The following CACNB4 variants were observed in gnomAD, a reference collection of about 807,000 sequenced individuals.
CACNB4 encodes the protein calcium voltage-gated channel auxiliary subunit beta 4.
In CACNB4, 32 loss-of-function variants were observed where a neutral mutation model predicts 71.2. That is an observed-to-expected ratio of 0.45 (90% confidence interval 0.34 to 0.60). The LOEUF (loss-of-function observed/expected upper bound fraction) is 0.60. Ranked by LOEUF, CACNB4 falls within the 20% of genes least tolerant of loss-of-function variation. The pLI is 0.01. For synonymous variants in CACNB4, 231 were observed against 236.9 expected (o/e 0.97, Z 0.23); for missense variants, 464 against 647.9 (o/e 0.72, Z 3.08).
intron 2 of CACNB4, among the ~76,000 whole-genome samples, chr2:151,933,092 G>A (rs1193977473): frequency 6.6e-6 from 1 of 151,488 alleles, no homozygotes; most frequent in Non-Finnish European, 1.5e-5. Flanking sequence ...AAACCACCCA[G>A]TTGGTGGTAC....
At chr2:151,989,721 G>A (rs932566332) in intron 2 of CACNB4, among the ~76,000 whole-genome samples, 18 of 152,096 alleles carry the variant, frequency 1.2e-4, no homozygotes, top group African/African-American at 4.3e-4. Context: ...ATATTCAACT[G>A]CCTACCAGAT....
intron 2 of CACNB4, among the ~76,000 whole-genome samples, chr2:152,051,535 C>T (rs75592835): frequency 0.017 from 2,512 of 152,178 alleles, 72 homozygotes; most frequent in African/African-American, 0.057. Context: ...ATGGGGTTAG[C>T]GTCCTTCTAA....
intron 2 of CACNB4, among the ~76,000 whole-genome samples, chr2:151,931,071 T>G (rs1047456860): frequency 6.6e-6 from 1 of 152,226 alleles, no homozygotes; most frequent in Non-Finnish European, 1.5e-5. Flanking sequence ...CATATCTAAG[T>G]AAGGCATACT....
At chr2:152,000,784 C>A (rs1485567503) in intron 2 of CACNB4, among the ~76,000 whole-genome samples, 1 of 152,222 alleles carries the variant, frequency 6.6e-6, no homozygotes, top group Non-Finnish European at 1.5e-5. Context: ...CCAGCACTCA[C>A]ACGCCCCTGA....
intron 2 of CACNB4, among the ~76,000 whole-genome samples, chr2:152,035,314 A>C (rs1251865367): frequency 2.6e-5 from 4 of 152,182 alleles, no homozygotes; most frequent in Non-Finnish European, 5.9e-5. Context: ...TAATCCCAGC[A>C]CTTTGGGAGG....
At chr2:151,985,187 CT>C (rs1560109683) in intron 2 of CACNB4, among the ~76,000 whole-genome samples, 1 of 152,170 alleles carries the variant, frequency 6.6e-6, no homozygotes, top group Non-Finnish European at 1.5e-5. Flanking sequence ...AATATGATTA[CT>C]GTTAATATTT....
intron 9 of CACNB4, among the ~76,000 whole-genome samples, chr2:151,862,191 A>G (rs2099841918): frequency 6.6e-6 from 1 of 152,188 alleles, no homozygotes; most frequent in African/African-American, 2.4e-5. Context: ...GGGTAGAATT[A>G]TCAATTACTG....
At chr2:151,851,858 G>A (rs753156909) in intron 12 of CACNB4, 38 of 152,138 alleles carry the variant, frequency 2.5e-4, no homozygotes, top group Non-Finnish European at 5.0e-4. Context: ...TTGATAGCTA[G>A]ACAACAAAGA....
chr2:151,967,314 C>T (rs1397578555), intron 2 of CACNB4: 1 of 152,292 alleles, frequency 6.6e-6, no homozygotes, highest in Admixed American at 6.6e-5. Flanking sequence ...TCTGTGCCTC[C>T]TAAAGTGCTG....
intron 2 of CACNB4, among the ~76,000 whole-genome samples, chr2:151,905,263 G>A (rs1013127398): frequency 6.6e-6 from 1 of 152,180 alleles, no homozygotes; most frequent in Non-Finnish European, 1.5e-5. Flanking sequence ...CCAGCCCATT[G>A]CTTGCTACTC....
chr2:151,837,605 A>G lies in CACNB4; in HGVS notation c.*1514T>C, dbSNP rs1469296685. On this transcript the variant is annotated 3_prime_UTR_variant, in exon 14 of 14. Transcript: ENST00000539935. ...TTTAGAAAATGCATGCACTATGGAC[A>G]TTTAGAAATAAGTTTTTTTTTTTAA... is the stretch of plus-strand genomic sequence containing the variant. 6.6e-6 allele frequency: 1 copy of G among 152,094 alleles called. No homozygotes were observed. Among genetic ancestry groups the G allele is most frequent in the East Asian group, 1.9e-4 (1 of 5,190 alleles). 9.4% of individuals were successfully genotyped at this position (152,094 alleles called of 1,614,324 possible).
intron 2 of CACNB4, among the ~76,000 whole-genome samples, chr2:152,072,706 T>C (rs1228675559): frequency 3.3e-5 from 5 of 151,978 alleles, no homozygotes; most frequent in African/African-American, 4.8e-5. Context: ...AGTGGCATGG[T>C]CTCGGCTCAC....
chr2:152,003,173 T>A (rs1682524802), intron 2 of CACNB4, among the ~76,000 whole-genome samples: 1 of 152,216 alleles, frequency 6.6e-6, no homozygotes. Flanking sequence ...CCGGGCATGG[T>A]GCCTCACACC....
intron 9 of CACNB4, among the ~76,000 whole-genome samples, chr2:151,862,222 C>T (rs1372998421): frequency 2.6e-5 from 4 of 152,188 alleles, no homozygotes; most frequent in Non-Finnish European, 5.9e-5. Context: ...CATTTCATAC[C>T]TGTCTGGGGA....
At chr2:151,971,176 A>G in intron 2 of CACNB4, 1 of 286,322 alleles carries the variant, frequency 3.5e-6, no homozygotes, top group East Asian at 6.8e-5. Context: ...CACAGTACCA[A>G]CATCTCTCTC....
Position 151,839,048 on chromosome 2 carries a change from A to G in CACNB4, c.*71T>C, listed in dbSNP as rs1440873739. 3 of 1,369,518 alleles carry G rather than the reference A, an allele frequency of 2.2e-6. No homozygotes were observed. The highest frequency in any genetic ancestry group is 3.0e-6 in the Non-Finnish European group (3 of 988,910). The allele number at this position is 1,369,518 out of a possible 1,614,324, so 84.8% of individuals were successfully genotyped here. ...AATACTGTGCTATGTTAGCCAAGTTAAGATGATTGGTTTATCCTAGCACTG... is the reference window on the plus strand; with the variant it reads ...AATACTGTGCTATGTTAGCCAAGTTGAGATGATTGGTTTATCCTAGCACTG... On this transcript the variant is annotated 3_prime_UTR_variant, in exon 14 of 14. Transcript: ENST00000539935.
At chr2:151,978,206 G>A (rs945829696) in intron 2 of CACNB4, among the ~76,000 whole-genome samples, 5 of 152,058 alleles carry the variant, frequency 3.3e-5, no homozygotes, top group Admixed American at 2.0e-4. Flanking sequence ...TTACCAACTA[G>A]GCAGGCATGT....
At chr2:152,000,853 T>C (rs1682353015) in intron 2 of CACNB4, among the ~76,000 whole-genome samples, 1 of 152,118 alleles carries the variant, frequency 6.6e-6, no homozygotes, top group South Asian at 2.1e-4. Flanking sequence ...GGGCGGAGGA[T>C]GTGCAGAAAA....
At chr2:152,054,426 G>A (rs1255387627) in intron 2 of CACNB4, among the ~76,000 whole-genome samples, 7 of 149,644 alleles carry the variant, frequency 4.7e-5, no homozygotes, top group Admixed American at 1.3e-4. Flanking sequence ...CAGTAGAGGA[G>A]AAAAATTGTT....
Sources: allele counts gnomAD v4.1 joint callset (sites outside exome capture counted in the v4.1 genomes callset), GRCh38; gene constraint gnomAD v4.1.1; transcripts MANE v1.5; gene names NCBI Gene and HGNC (gene_info 2026-07-23, HGNC 2026-07-21).